Variants in DAG1 observed in about 807,000 individuals in gnomAD.
DAG1 encodes dystroglycan 1.
In DAG1, 8 loss-of-function variants were observed where a neutral mutation model predicts 46.1. The ratio of observed to expected loss-of-function variants is 0.17; its 90% confidence interval spans 0.10 to 0.31. DAG1 has a LOEUF of 0.31. DAG1 is among the 10% of genes least tolerant of loss of function. The probability of loss-of-function intolerance (pLI) is 1.00; values close to 1 mark genes in which losing one functional copy is unlikely to be tolerated. For synonymous variants in DAG1, 495 were observed against 481.8 expected, an observed-to-expected ratio of 1.03 and a Z score of -0.36; for missense variants, 1,003 against 1,189.9, an observed-to-expected ratio of 0.84 and a Z score of 2.31.
intron 2 of DAG1, 107 bp downstream of exon 2, chr3:49,510,926 C>T (rs2050746739): frequency 5.8e-6 from 9 of 1,544,378 alleles, no homozygotes; most frequent in Non-Finnish European, 7.8e-6. Context: ...GAGCTCAGTT[C>T]TTCCAGTACC....
intron 1 of DAG1, among the ~76,000 whole-genome samples, chr3:49,480,838 T>G (rs1275406124): frequency 7.8e-6 from 1 of 128,450 alleles, no homozygotes; most frequent in African/African-American, 2.6e-5. Flanking sequence ...CTCGGCTCAC[T>G]GCAAGCTCCG....
chr3:49,507,598 C>T (rs925857500), intron 1 of DAG1, among the ~76,000 whole-genome samples: 1 of 151,870 alleles, frequency 6.6e-6, no homozygotes, highest in Admixed American at 6.6e-5. Context: ...ATTACAAATT[C>T]AATTTCCTTA....
chr3:49,518,483 A>G (rs2050950765), intron 2 of DAG1, among the ~76,000 whole-genome samples: 1 of 152,356 alleles, frequency 6.6e-6, no homozygotes, highest in Non-Finnish European at 1.5e-5. Context: ...TACCCAACAA[A>G]GCGCCTGAAG....
intron 1 of DAG1, among the ~76,000 whole-genome samples, chr3:49,500,916 T>TA (rs1479101985): frequency 1.8e-4 from 27 of 151,964 alleles, no homozygotes; most frequent in Non-Finnish European, 3.1e-4. Flanking sequence ...TGAGACTGTG[T>TA]AAAAAAAACT....
chr3:49,469,906 A>G (rs1052024797), upstream of DAG1, among the ~76,000 whole-genome samples: 2 of 152,188 alleles, frequency 1.3e-5, no homozygotes, highest in African/African-American at 4.8e-5. Flanking sequence ...AAAGGCCTGA[A>G]GTTGGGCGGG....
At chr3:49,515,389 T>G (rs1271596002) in intron 2 of DAG1, among the ~76,000 whole-genome samples, 4 of 33,138 alleles carry the variant, frequency 1.2e-4, no homozygotes, top group South Asian at 4.8e-4. Context: ...TCTTGTGTTG[T>G]TTTTTTTTTT....
Position 49,531,846 on chromosome 3 carries a change from G to A in DAG1, c.1335G>A (p.Thr445=), listed in dbSNP as rs762819634. ...ATPSTDSTTT[T]TRRPTKKPRT... ...CTTCAACTGACTCCACCACCACCAC[G>A]ACTCGCAGGCCAACCAAGAAACCAC... The change falls in exon 3 of 3, where the codon ACG becomes ACA. Residue 445 remains threonine (T), a synonymous_variant. Coordinates refer to ENST00000308775, the MANE Select transcript of DAG1 (RefSeq NM_004393.6). This position sits in a 1 kb window ranked among gnomAD's most constrained non-coding sequence, Gnocchi z 7.0. The A allele has an allele frequency of 1.9e-6, 3 of 1,613,504 alleles. No homozygotes were observed. The highest frequency in any genetic ancestry group is 2.2e-5 in the South Asian group (2 of 91,042).
intron 2 of DAG1, among the ~76,000 whole-genome samples, chr3:49,520,180 G>T (rs1349118354): frequency 6.6e-6 from 1 of 152,190 alleles, no homozygotes; most frequent in Non-Finnish European, 1.5e-5. Context: ...CTTCCTGTTG[G>T]TCTGTGCCAT....
At chr3:49,498,858 G>A (rs1249335573) in intron 1 of DAG1, among the ~76,000 whole-genome samples, 1 of 151,856 alleles carries the variant, frequency 6.6e-6, no homozygotes, top group Non-Finnish European at 1.5e-5. Context: ...ACAGGCATGC[G>A]CCACCATGCC....
intron 1 of DAG1, among the ~76,000 whole-genome samples, chr3:49,496,376 G>C (rs1205513786): frequency 3.8e-5 from 2 of 52,864 alleles, no homozygotes; most frequent in Non-Finnish European, 7.7e-5. Flanking sequence ...TTTTTTTTTT[G>C]AGATGGAGTC....
chr3:49,507,969 TTA>T (rs1365741553), intron 1 of DAG1, among the ~76,000 whole-genome samples: 3 of 152,112 alleles, frequency 2.0e-5, no homozygotes, highest in African/African-American at 7.2e-5. Flanking sequence ...TAGTGTTTCC[TTA>T]TTTTTCTTTT....
In DAG1 at chr3:49,533,345, C is replaced by T; in HGVS notation, c.*146C>T. On this transcript the variant is annotated 3_prime_UTR_variant, in exon 3 of 3. Coordinates refer to ENST00000308775, the MANE Select transcript of DAG1 (RefSeq NM_004393.6). ...ACACTGACACAGGGGCCTGGACAAG[C>T]CCGCCCTCTCTGGTCCTCCCAAACC... 8.0e-7 allele frequency: 1 copy of T among 1,249,648 alleles called. No individual in the cohort carries two copies. Among genetic ancestry groups the T allele is most frequent in the Non-Finnish European group, 1.1e-6 (1 of 885,106 alleles). 77.4% of individuals were successfully genotyped at this position (1,249,648 alleles called of 1,614,324 possible).
chr3:49,474,059 T>G (rs537188632), intron 1 of DAG1, among the ~76,000 whole-genome samples: 1 of 151,798 alleles, frequency 6.6e-6, no homozygotes, highest in Non-Finnish European at 1.5e-5. Context: ...GGCTAATATA[T>G]GTATATATTT....
chr3:49,480,697 G>A (rs2049853460), intron 1 of DAG1, among the ~76,000 whole-genome samples: 1 of 144,166 alleles, frequency 6.9e-6, no homozygotes, highest in Admixed American at 7.0e-5. Context: ...CCTACAGGAA[G>A]GAGGTTATTT....
chr3:49,505,807 G>A (rs946975382), intron 1 of DAG1, among the ~76,000 whole-genome samples: 6 of 149,898 alleles, frequency 4.0e-5, no homozygotes, highest in African/African-American at 1.5e-4. Context: ...GAGTAGCTGG[G>A]CATGCACCAC....
At chr3:49,493,638 C>A (rs2050242614) in intron 1 of DAG1, among the ~76,000 whole-genome samples, 1 of 152,200 alleles carries the variant, frequency 6.6e-6, no homozygotes, top group Non-Finnish European at 1.5e-5. Flanking sequence ...TATAGAAGAG[C>A]CTGAACTGGA....
chr3:49,506,842 T>A (rs2050618218), intron 1 of DAG1, among the ~76,000 whole-genome samples: 1 of 152,020 alleles, frequency 6.6e-6, no homozygotes, highest in African/African-American at 2.4e-5. Flanking sequence ...CCAAGTATGG[T>A]GGCAAATGCC....
chr3:49,516,800 G>C (rs1480485121), intron 2 of DAG1, among the ~76,000 whole-genome samples: 1 of 152,118 alleles, frequency 6.6e-6, no homozygotes, highest in Non-Finnish European at 1.5e-5. Context: ...TTTTTGTGGT[G>C]AATGTTATTG....
chr3:49,500,708 G>T (rs1467586113), intron 1 of DAG1, among the ~76,000 whole-genome samples: 1 of 152,212 alleles, frequency 6.6e-6, no homozygotes, highest in Non-Finnish European at 1.5e-5. Flanking sequence ...AGCTGTGTCA[G>T]GAAGACTAGG....
Sources: allele counts gnomAD v4.1 joint callset (sites outside exome capture counted in the v4.1 genomes callset), GRCh38; gene constraint gnomAD v4.1.1; non-coding constraint Gnocchi (gnomAD v3.1); transcripts MANE v1.5; gene names NCBI Gene and HGNC (gene_info 2026-07-23, HGNC 2026-07-21).